The following KCNIP1 variants were observed in gnomAD, a reference collection of about 807,000 sequenced individuals.
The protein encoded by KCNIP1 is A-type potassium channel modulatory protein KCNIP1.
Under a neutral mutation model 33.0 loss-of-function variants are expected in KCNIP1, and 18 were observed. The observed-to-expected ratio is 0.55, with a 90% CI of 0.38 to 0.81. The LOEUF (loss-of-function observed/expected upper bound fraction) is 0.81, where lower values mean the gene tolerates loss of function less well. Among genes scored for constraint, KCNIP1 ranks in the 30% least tolerant of loss-of-function variants. KCNIP1 has a pLI of 0.00. For synonymous variants in KCNIP1, 93 were observed against 98.3 expected (o/e 0.95, Z 0.32); for missense variants, 238 against 271.6 (o/e 0.88, Z 0.87).
intron 3 of KCNIP1, 76 bp downstream of exon 3, chr5:170,720,466 T>C (rs1763780931): frequency 8.8e-7 from 1 of 1,141,070 alleles, no homozygotes; most frequent in African/African-American, 1.5e-5. Flanking sequence ...AAGTCCTCTC[T>C]TCCTTGCCAT....
At chr5:170,496,157 GC>G (rs1434839597) in intron 1 of KCNIP1, among the ~76,000 whole-genome samples, 1 of 152,192 alleles carries the variant, frequency 6.6e-6, no homozygotes, top group African/African-American at 2.4e-5. Flanking sequence ...GACCCTGCGT[GC>G]ACCCTGGCAG....
At chr5:170,577,085 T>C (rs2113505369) in intron 1 of KCNIP1, among the ~76,000 whole-genome samples, 1 of 152,312 alleles carries the variant, frequency 6.6e-6, no homozygotes, top group South Asian at 2.1e-4. Flanking sequence ...GGTGACTGAC[T>C]TCCTGCTTTG....
intron 1 of KCNIP1, among the ~76,000 whole-genome samples, chr5:170,702,401 G>T (rs559558165): frequency 2.4e-4 from 37 of 152,304 alleles, no homozygotes; most frequent in African/African-American, 8.9e-4. Flanking sequence ...AAAGCCACAC[G>T]CTCTGTGACT....
intron 1 of KCNIP1, among the ~76,000 whole-genome samples, chr5:170,642,386 T>G (rs1027090226): frequency 2.0e-5 from 3 of 152,142 alleles, no homozygotes; most frequent in African/African-American, 7.2e-5. Context: ...AGCAAGGAGC[T>G]TCACACTCAT....
At chr5:170,668,476 G>C (rs540209925) in intron 1 of KCNIP1, among the ~76,000 whole-genome samples, 1 of 152,202 alleles carries the variant, frequency 6.6e-6, no homozygotes, top group Admixed American at 6.5e-5. Flanking sequence ...TGAGCATGTT[G>C]GTTGTTCCAG....
intron 1 of KCNIP1, among the ~76,000 whole-genome samples, chr5:170,414,534 A>AT (rs139076615): frequency 0.043 from 6,506 of 152,294 alleles, 286 homozygotes; most frequent in African/African-American, 0.11. Flanking sequence ...TTTTCTGTCC[A>AT]TAAATCTTTT....
intron 1 of KCNIP1, among the ~76,000 whole-genome samples, chr5:170,446,044 T>G (rs973429043): frequency 1.3e-5 from 2 of 152,162 alleles, no homozygotes; most frequent in African/African-American, 4.8e-5. Flanking sequence ...CAGTGTAAAA[T>G]GCATGGAGCA....
intron 1 of KCNIP1, among the ~76,000 whole-genome samples, chr5:170,514,865 C>T (rs1260337016): frequency 1.3e-5 from 2 of 152,210 alleles, no homozygotes; most frequent in African/African-American, 2.4e-5. Context: ...ACATTTAAAT[C>T]GTCCTTGTGA....
intron 1 of KCNIP1, among the ~76,000 whole-genome samples, chr5:170,656,920 T>A (rs1761290166): frequency 1.3e-5 from 2 of 151,836 alleles, no homozygotes; most frequent in Admixed American, 6.5e-5. Context: ...GCTCAGCACA[T>A]CAGCTTCACT....
intron 1 of KCNIP1, among the ~76,000 whole-genome samples, chr5:170,715,575 G>A (rs1390978801): frequency 6.6e-6 from 1 of 152,138 alleles, no homozygotes; most frequent in Non-Finnish European, 1.5e-5. Flanking sequence ...ACTGTGTGAG[G>A]CACTCACAGT....
chr5:170,702,419 C>T (rs1763128197), intron 1 of KCNIP1, among the ~76,000 whole-genome samples: 2 of 152,158 alleles, frequency 1.3e-5, no homozygotes, highest in African/African-American at 4.8e-5. Flanking sequence ...ACTTATACAA[C>T]TTGTTGCCCA....
At chr5:170,680,257 C>CT (rs1030095378) in intron 1 of KCNIP1, among the ~76,000 whole-genome samples, 1 of 152,130 alleles carries the variant, frequency 6.6e-6, no homozygotes, top group African/African-American at 2.4e-5. Context: ...TGTCAAGCAC[C>CT]TTTCCCCACC....
chr5:170,373,719 G>A (rs1260789645), intron 1 of KCNIP1, among the ~76,000 whole-genome samples: 2 of 152,252 alleles, frequency 1.3e-5, no homozygotes, highest in South Asian at 2.1e-4. Flanking sequence ...TGCTACCTCG[G>A]CATTCAGACT....
At chr5:170,374,211 A>T (rs1171695720) in intron 1 of KCNIP1, among the ~76,000 whole-genome samples, 2 of 152,200 alleles carry the variant, frequency 1.3e-5, no homozygotes, top group Non-Finnish European at 2.9e-5. Context: ...AAATAAGATT[A>T]TATTAATATT....
intron 7 of KCNIP1, 120 bp from the exon 8 acceptor site, chr5:170,735,639 A>T: frequency 1.2e-6 from 1 of 810,578 alleles, no homozygotes. Flanking sequence ...CTTGTTTTTC[A>T]TACCCTTGTA....
At chr5:170,643,676 G>C (rs546347868) in intron 1 of KCNIP1, among the ~76,000 whole-genome samples, 3 of 152,338 alleles carry the variant, frequency 2.0e-5, no homozygotes, top group African/African-American at 7.2e-5. Flanking sequence ...TCTAGGGCAG[G>C]GTCCCTGCCT....
At chr5:170,578,825 A>G (rs1015675536) in intron 1 of KCNIP1, among the ~76,000 whole-genome samples, 2 of 152,354 alleles carry the variant, frequency 1.3e-5, no homozygotes, top group East Asian at 1.9e-4. Context: ...TTTGGCTAAC[A>G]TATGAATATA....
intron 1 of KCNIP1, among the ~76,000 whole-genome samples, chr5:170,456,259 T>C (rs1250729802): frequency 1.3e-5 from 2 of 151,678 alleles, no homozygotes; most frequent in Non-Finnish European, 2.9e-5. Context: ...AGTTGAACAA[T>C]GAGTACACAT....
chr5:170,599,064 G>C (rs191935875), intron 1 of KCNIP1, among the ~76,000 whole-genome samples: 1 of 152,074 alleles, frequency 6.6e-6, no homozygotes, highest in Non-Finnish European at 1.5e-5. Context: ...ACAGGCTGCC[G>C]TGGGGTTGAG....
Sources: allele counts gnomAD v4.1 joint callset (sites outside exome capture counted in the v4.1 genomes callset), GRCh38; gene constraint gnomAD v4.1.1; transcripts MANE v1.5; gene names NCBI Gene and HGNC (gene_info 2026-07-23, HGNC 2026-07-21).